Variants in SMIM7 observed in about 807,000 individuals in gnomAD.
SMIM7 encodes the protein UPF0608 protein C19orf42.
A neutral mutation model predicts 13.3 loss-of-function variants in SMIM7; 12 were observed. The observed-to-expected ratio is 0.90, with a 90% CI of 0.58 to 1.46. The LOEUF (loss-of-function observed/expected upper bound fraction) is 1.46, where lower values mean the gene tolerates loss of function less well. Among genes scored for constraint, SMIM7 ranks in the 40% most tolerant of loss-of-function variants. SMIM7 has a pLI of 0.00. For missense variants in SMIM7, 114 were observed against 94.8 expected (o/e 1.20, Z -0.84); for synonymous variants, 36 against 35.8 (o/e 1.01, Z -0.02).
At chr19:16,659,271 A>G (rs1339389843) in intron 3 of SMIM7, 124 bp downstream of exon 3, 4 of 908,850 alleles carry the variant, frequency 4.4e-6, no homozygotes, top group Admixed American at 2.5e-5. Context: ...CAACAGAGCA[A>G]GACCTTGTGT....
chr19:16,655,473 G>C, intron 3 of SMIM7: 1 of 451,528 alleles, frequency 2.2e-6, no homozygotes, highest in Non-Finnish European at 4.4e-6. Flanking sequence ...CTGAGGTCGG[G>C]AGTTCGAGAC....
At chr19:16,633,863 A>T (rs1278926367) in intron 4 of SMIM7, 1 of 152,234 alleles carries the variant, frequency 6.6e-6, no homozygotes, top group Non-Finnish European at 1.5e-5. Context: ...AATAGAAAAA[A>T]TATTGGAAGG....
chr19:16,658,594 T>C (rs2086626473), intron 3 of SMIM7, among the ~76,000 whole-genome samples: 1 of 152,190 alleles, frequency 6.6e-6, no homozygotes. Flanking sequence ...TTGCAGAATG[T>C]TCCAATTTTT....
intron 4 of SMIM7, chr19:16,653,790 G>C (rs2086560529): frequency 4.2e-6 from 2 of 479,862 alleles, no homozygotes; most frequent in Non-Finnish European, 7.3e-6. Flanking sequence ...AGTTACTCGG[G>C]AGGCTGAGGC....
At chr19:16,659,307 GA>G (rs1016704013) in intron 3 of SMIM7, 87 bp downstream of exon 3, 38 of 783,416 alleles carry the variant, frequency 4.9e-5, no homozygotes, top group Non-Finnish European at 7.1e-5. Flanking sequence ...AAAAAAAAGA[GA>G]AAGAAAGAAA....
chr19:16,653,803 G>A (rs2086560754), intron 4 of SMIM7: 3 of 496,948 alleles, frequency 6.0e-6, no homozygotes, highest in East Asian at 3.5e-5. Context: ...GCTGAGGCAG[G>A]AGAATCGCTT....
intron 4 of SMIM7, among the ~76,000 whole-genome samples, chr19:16,651,273 C>T (rs2086521123): frequency 6.6e-6 from 1 of 152,196 alleles, no homozygotes; most frequent in Non-Finnish European, 1.5e-5. Flanking sequence ...CAAGCCATGT[C>T]ATCTCTGTCA....
chr19:16,639,120 ATTT>A (rs1286703534), intron 4 of SMIM7, among the ~76,000 whole-genome samples: 4 of 133,478 alleles, frequency 3.0e-5, no homozygotes, highest in Non-Finnish European at 3.2e-5. Context: ...GTAAGATGTC[ATTT>A]TTTTTTTTTT....
intron 2 of SMIM7, 116 bp downstream of exon 2, chr19:16,659,843 T>C: frequency 1.4e-6 from 2 of 1,385,744 alleles, no homozygotes; most frequent in Admixed American, 2.0e-5. Flanking sequence ...AGAGGGCGGA[T>C]AGGGCGGGGC....
At chr19:16,638,096 A>G (rs1251692981) in intron 4 of SMIM7, among the ~76,000 whole-genome samples, 1 of 118,578 alleles carries the variant, frequency 8.4e-6, no homozygotes, top group Non-Finnish European at 1.9e-5. Context: ...CACCTCTACT[A>G]AAAAAAAAAA....
intron 4 of SMIM7, chr19:16,634,465 A>C (rs1447460084): frequency 6.6e-6 from 1 of 152,274 alleles, no homozygotes. Context: ...TTCTACTCCT[A>C]GGAATCTCCC....
At chr19:16,654,006 A>C (rs1197137504) in intron 4 of SMIM7, 29 bp downstream of exon 4, 1 of 1,594,918 alleles carries the variant, frequency 6.3e-7, no homozygotes, top group African/African-American at 1.3e-5. Flanking sequence ...AAGAGACGAC[A>C]GTGAAAGGAA....
chr19:16,643,231 A>G (rs1211624361), downstream of SMIM7, among the ~76,000 whole-genome samples: 4 of 152,224 alleles, frequency 2.6e-5, no homozygotes, highest in Non-Finnish European at 5.9e-5. Context: ...TAACACTGCC[A>G]AAAGAAAATG....
At chr19:16,655,152 C>T (rs1433268267) in intron 3 of SMIM7, 1 of 351,196 alleles carries the variant, frequency 2.8e-6, no homozygotes, top group African/African-American at 2.1e-5. Flanking sequence ...GCTTTAACCA[C>T]TTTGAGCTGG....
intron 3 of SMIM7, among the ~76,000 whole-genome samples, chr19:16,655,912 C>T (rs1339810643): frequency 6.6e-6 from 1 of 152,096 alleles, no homozygotes; most frequent in Non-Finnish European, 1.5e-5. Flanking sequence ...ATTATCTAGC[C>T]GACAGGATTA....
chr19:16,659,629 G>A (rs2086645990), intron 2 of SMIM7, 182 bp from the exon 3 acceptor site: 1 of 692,936 alleles, frequency 1.4e-6, no homozygotes, highest in East Asian at 2.7e-5. Context: ...ATCACAGCCA[G>A]GTCAGCAGCC....
intron 4 of SMIM7, chr19:16,634,140 G>A (rs1172131172): frequency 6.6e-6 from 1 of 152,066 alleles, no homozygotes; most frequent in Non-Finnish European, 1.5e-5. Flanking sequence ...TCAGATATAG[G>A]TCCCAACAGT....
At chr19:16,655,871 T>A (rs867305732) in intron 3 of SMIM7, among the ~76,000 whole-genome samples, 1 of 152,068 alleles carries the variant, frequency 6.6e-6, no homozygotes, top group Non-Finnish European at 1.5e-5. Context: ...GAACACACCA[T>A]CTTGCTGAAA....
chr19:16,644,174 G>A (rs2086427918), downstream of SMIM7, among the ~76,000 whole-genome samples: 1 of 141,792 alleles, frequency 7.1e-6, no homozygotes, highest in African/African-American at 2.7e-5. Flanking sequence ...AGGCTGGAGT[G>A]CAATGGCGCG....
Sources: allele counts gnomAD v4.1 joint callset (sites outside exome capture counted in the v4.1 genomes callset), GRCh38; gene constraint gnomAD v4.1.1; transcripts MANE v1.5; gene names NCBI Gene and HGNC (gene_info 2026-07-23, HGNC 2026-07-21).